Variants in FXN observed in about 807,000 individuals in gnomAD.
FXN encodes the protein frataxin, also known as frataxin, mitochondrial.
In FXN, 14 loss-of-function variants were observed where a neutral mutation model predicts 22.4. That is an observed-to-expected ratio of 0.62 (90% confidence interval 0.41 to 0.98). FXN has a LOEUF of 0.98. Among genes scored for constraint, FXN ranks in the 50% least tolerant of loss-of-function variants. The pLI is 0.00. For synonymous variants in FXN, 120 were observed against 114.1 expected (o/e 1.05, Z -0.33); for missense variants, 267 against 268.4 (o/e 0.99, Z 0.04).
intron 2 of FXN, among the ~76,000 whole-genome samples, chr9:69,047,125 T>G (rs1831769452): frequency 6.6e-6 from 1 of 152,130 alleles, no homozygotes; most frequent in African/African-American, 2.4e-5. Context: ...CATGGAAAGC[T>G]GTCAGGCACG....
At position 69,078,211 on chromosome 9, in the gene FXN, T is replaced by C. The variant is rs1485175789; in HGVS notation, c.*5449T>C. 1.0e-6 allele frequency: 1 copy of C among 984,772 alleles called. No individual in the cohort carries two copies. Among genetic ancestry groups the C allele is most frequent in the Non-Finnish European group, 1.2e-6 (1 of 829,462 alleles). 61.0% of individuals were successfully genotyped at this position (984,772 alleles called of 1,614,324 possible). On this transcript the variant is annotated 3_prime_UTR_variant, in exon 5 of 5. Transcript: ENST00000484259. ...ACTGCACATCTCCAGGTGCCACTGT[T>C]GACAGAGATTATAACTACAATGTGA... is the stretch of plus-strand genomic sequence containing the variant.
intron 1 of FXN, among the ~76,000 whole-genome samples, chr9:69,039,477 G>A (rs763368025): frequency 2.6e-5 from 4 of 151,040 alleles, no homozygotes; most frequent in South Asian, 2.1e-4. Context: ...CCACAGAAAC[G>A]GCTTTTAAAA....
intron 3 of FXN, among the ~76,000 whole-genome samples, chr9:69,053,558 A>G (rs965358309): frequency 6.6e-6 from 1 of 152,126 alleles, no homozygotes; most frequent in African/African-American, 2.4e-5. Flanking sequence ...GATAAGATAG[A>G]TAAGACAAGA....
At chr9:69,056,271 C>T (rs1245906756) in intron 3 of FXN, among the ~76,000 whole-genome samples, 1 of 152,198 alleles carries the variant, frequency 6.6e-6, no homozygotes. Flanking sequence ...AACTGAAAAA[C>T]AAGCACTTCC....
chr9:69,073,408 A>T lies in FXN; in HGVS notation c.*646A>T. The T allele has an allele frequency of 1.0e-6, 1 of 985,358 alleles. No individual in the cohort carries two copies. Among genetic ancestry groups the T allele is most frequent in the Non-Finnish European group, 1.2e-6 (1 of 829,882 alleles). 61.0% of individuals were successfully genotyped at this position (985,358 alleles called of 1,614,324 possible). ...CATATTCACATACGTGTCTGTGTGT[A>T]TATATATTTTTTCAATTTAAAGGTT... On this transcript the variant is annotated 3_prime_UTR_variant, in exon 5 of 5. Transcript: ENST00000484259.
In FXN at chr9:69,059,160, C is replaced by G. The variant is rs999512625; in HGVS notation, c.385-5778C>G. 5.3e-5 allele frequency among the ~76,000 whole-genome samples: 8 copies of G among 152,112 alleles called. No individual in the cohort carries two copies. In the East Asian group the frequency reaches 1.5e-3, roughly 29 times the overall value. ...GTGTTTGCCTTAAACTTGGTTTGAA[C>G]AGTTGGCCGCCTTTGATTAGCCAAA... On this transcript the variant is annotated intron_variant, in intron 3 of 4. Coordinates refer to ENST00000484259, the MANE Select transcript of FXN (RefSeq NM_000144.5).
At chr9:69,048,342 C>T (rs1383307810) in intron 2 of FXN, among the ~76,000 whole-genome samples, 2 of 152,276 alleles carry the variant, frequency 1.3e-5, no homozygotes, top group East Asian at 1.9e-4. Context: ...CGGTGGCTCA[C>T]GCCTGTCATC....
rs776068810 is a variant in FXN, at chr9:69,072,691, G to A, written c.562G>A (p.Ala188Thr). The A allele has an allele frequency of 1.2e-5, 20 of 1,614,050 alleles. No individual in the cohort carries two copies. The highest frequency in any genetic ancestry group is 9.3e-5 in the African/African-American group (7 of 74,908). ...DGVSLHELLAAELTKALKTKL... is the reference protein window; with the variant it reads ...DGVSLHELLATELTKALKTKL... ...CGTGTCCCTCCATGAGCTGCTGGCC[G>A]CAGAGCTCACTAAAGCCTTAAAAAC... The change falls in exon 5 of 5, where the codon GCA becomes ACA. Residue 188 changes from alanine (A) to threonine (T), a missense_variant. Physicochemically the swap from Ala to Thr is moderately conservative, Grantham distance 58. Coordinates refer to ENST00000484259, the MANE Select transcript of FXN (RefSeq NM_000144.5).
In FXN at chr9:69,072,724, G is replaced by A. The variant is rs751170542; in HGVS notation, c.595G>A (p.Asp199Asn). The A allele has an allele frequency of 1.4e-5, 23 of 1,614,174 alleles. No homozygotes were observed. Among genetic ancestry groups the A allele is most frequent in the South Asian group, 5.5e-5 (5 of 91,084 alleles). The change falls in exon 5 of 5, where the codon GAC becomes AAC. Residue 199 changes from aspartate to asparagine, a missense_variant. Physicochemically the swap from Asp to Asn is conservative, Grantham distance 23 (BLOSUM62 1). Transcript: ENST00000484259. Reference protein sequence around the residue: ...ELTKALKTKLDLSSLAYSGKD... With the variant: ...ELTKALKTKLNLSSLAYSGKD... ...CACTAAAGCCTTAAAAACCAAACTG[G>A]ACTTGTCTTCCTTGGCCTATTCCGG...
Position 69,074,044 on chromosome 9 carries a change from G to A in FXN, c.*1282G>A, listed in dbSNP as rs565448724. Reference sequence around the variant, plus strand: ...ACTAAAAATACAAAAAATTAGCCGGGCATGATGGCAGGTGCCTGTAATCCC... The same window carrying A: ...ACTAAAAATACAAAAAATTAGCCGGACATGATGGCAGGTGCCTGTAATCCC... On this transcript the variant is annotated 3_prime_UTR_variant, in exon 5 of 5. Coordinates refer to ENST00000484259, the MANE Select transcript of FXN (RefSeq NM_000144.5). 5.0e-5 allele frequency: 16 copies of A among 318,972 alleles called. No individual in the cohort carries two copies. The highest frequency in any genetic ancestry group is 7.2e-5 in the Non-Finnish European group (16 of 220,934). The allele number at this position is 318,972 out of a possible 1,614,324, so 19.8% of individuals were successfully genotyped here.
chr9:69,037,284 A>AAGAAGAAGAAGAAGAAGAAGAAGAAG (rs71353102), intron 1 of FXN, among the ~76,000 whole-genome samples: 2 of 78,052 alleles, frequency 2.6e-5, no homozygotes, highest in Admixed American at 1.5e-4. Flanking sequence ...AAAAAAAAAA[A>AAGAAGAAGAAGAAGAAGAAGAAGAAG]AAGAAGAAGA....
intron 2 of FXN, among the ~76,000 whole-genome samples, chr9:69,049,418 TG>T (rs1161247169): frequency 1.5e-4 from 23 of 152,170 alleles, no homozygotes; most frequent in Non-Finnish European, 2.8e-4. Context: ...TTCCCCACAT[TG>T]TATCCTGGAA....
In FXN at chr9:69,075,563, GT is replaced by G. The variant is rs1564342611; in HGVS notation, c.*2802del. 8 of 985,150 alleles carry G rather than the reference GT, an allele frequency of 8.1e-6. No homozygotes were observed. In the African/African-American group the frequency reaches 1.4e-4, roughly 17 times the overall value. 61.0% of individuals were successfully genotyped at this position (985,150 alleles called of 1,614,324 possible). A position where few individuals can be genotyped will look rare whatever the true frequency, so the allele number is the denominator to read the frequency against. On this transcript the variant is annotated 3_prime_UTR_variant, in exon 5 of 5. Coordinates refer to ENST00000484259, the MANE Select transcript of FXN (RefSeq NM_000144.5). ...AAGCAAACTGGAAAAGTACCACTGT[GT>G]GTACCAATAGCCTCCCCACCACAGA...
At chr9:69,053,499 GGATGGATGGATA>G (rs1392378428) in intron 3 of FXN, among the ~76,000 whole-genome samples, 100 of 150,958 alleles carry the variant, frequency 6.6e-4, no homozygotes, top group East Asian at 3.3e-3. Context: ...ATGGATGGAT[GGATGGATGGATA>G]GATAGATAGA....
At chr9:69,061,851 T>G (rs1832080202) in intron 3 of FXN, among the ~76,000 whole-genome samples, 1 of 152,196 alleles carries the variant, frequency 6.6e-6, no homozygotes, top group Admixed American at 6.5e-5. Context: ...ACAAAGGACA[T>G]GAACTCATCA....
intron 4 of FXN, among the ~76,000 whole-genome samples, chr9:69,067,975 A>C (rs1444672422): frequency 1.3e-5 from 2 of 152,210 alleles, no homozygotes; most frequent in Non-Finnish European, 2.9e-5. Flanking sequence ...CTAGTGTATA[A>C]TGGGCATTGA....
rs149305063 is a variant in FXN, at chr9:69,053,719, A to G, written c.384+459A>G. ...GAGTGTGTATTTGTCCAGCAGGCAG[A>G]TGGAGGGAACAACAAACTAGACCCG... On this transcript the variant is annotated intron_variant, in intron 3 of 4. Transcript: ENST00000484259. Among the ~76,000 whole-genome samples, 9 of 152,296 alleles carry G rather than the reference A, an allele frequency of 5.9e-5. No individual in the cohort carries two copies. The East Asian group carries it at 1.7e-3, about 29-fold the overall frequency.
Position 69,064,980 on chromosome 9 carries a change from T to C in FXN, c.427T>C (p.Tyr143His), listed in dbSNP as rs2133127151. The C allele has an allele frequency of 6.2e-7, 1 of 1,613,882 alleles. No homozygotes were observed. ...TVKLGGDLGTYVINKQTPNKQ... is the reference protein window; with the variant it reads ...TVKLGGDLGTHVINKQTPNKQ... ...CAAACTGGGTGGAGATCTAGGAACC[T>C]ATGTGATCAACAAGCAGACGCCAAA... Residue 143 changes from tyrosine (Y) to histidine (H), a missense_variant, in exon 4 of 5, where the codon TAT (tyrosine) becomes CAT (histidine). Transcript: ENST00000484259.
chr9:69,047,771 G>A (rs1831786169), intron 2 of FXN, among the ~76,000 whole-genome samples: 1 of 152,004 alleles, frequency 6.6e-6, no homozygotes. Flanking sequence ...AGGCTGGAGT[G>A]CAGTGGTGCG....
Sources: gnomAD v4.1 joint callset for allele counts (sites outside exome capture counted in the v4.1 genomes callset) on GRCh38, gnomAD v4.1.1 for gene constraint, MANE v1.5 for transcripts, NCBI Gene and HGNC (gene_info 2026-07-23, HGNC 2026-07-21) for gene names.